Variants in KIAA1217 observed in about 807,000 individuals in gnomAD.
The protein encoded by KIAA1217 is KIAA1217, also known as sickle tail protein homolog.
A neutral mutation model predicts 163.9 loss-of-function variants in KIAA1217; 88 were observed. That is an observed-to-expected ratio of 0.54 (90% confidence interval 0.45 to 0.64). KIAA1217 has a LOEUF of 0.64. Among genes scored for constraint, KIAA1217 ranks in the 30% least tolerant of loss-of-function variants. The probability of loss-of-function intolerance (pLI) is 0.00; values close to 1 mark genes in which losing one functional copy is unlikely to be tolerated. For synonymous variants in KIAA1217, 903 were observed against 923.1 expected, an observed-to-expected ratio of 0.98 and a Z score of 0.39; for missense variants, 2,372 against 2,475.0, an observed-to-expected ratio of 0.96 and a Z score of 0.88.
At chr10:24,374,656 A>G (rs10828639) in intron 2 of KIAA1217, among the ~76,000 whole-genome samples, 26,238 of 152,180 alleles carry the variant, frequency 0.17, 2,723 homozygotes, top group East Asian at 0.37. Context: ...GAGTGATCAT[A>G]GTTGCAAGAA....
intron 1 of KIAA1217, among the ~76,000 whole-genome samples, chr10:23,847,526 A>G (rs1333834577): frequency 1.3e-5 from 2 of 152,134 alleles, no homozygotes; most frequent in Non-Finnish European, 2.9e-5. Context: ...AGGTGTTTAT[A>G]GTATTCTCTG....
chr10:24,545,347 A>C, intron 20 of KIAA1217: 2 of 1,386,010 alleles, frequency 1.4e-6, no homozygotes, highest in South Asian at 1.7e-5. Context: ...CTGTTAACAC[A>C]CGGTGCCAGA....
rs1395717617 is a variant in KIAA1217 at position 24,125,471 on chromosome 10, TG to T, written c.-170-94153del. On this transcript the variant is annotated intron_variant, in intron 2 of 18. Transcript: ENST00000376462. ...ACATTTATAATGAATTGACCATTTT[TG>T]GCTAGATCTTCAAATGTATTGATAC... 7.2e-5 allele frequency among the ~76,000 whole-genome samples: 11 copies of T among 152,278 alleles called. No individual in the cohort carries two copies. In the East Asian group the frequency reaches 2.1e-3, roughly 29 times the overall value.
At chr10:24,207,587 C>T (rs545593689), upstream of KIAA1217, among the ~76,000 whole-genome samples, 1 of 152,300 alleles carries the variant, frequency 6.6e-6, no homozygotes, top group South Asian at 2.1e-4. Context: ...GTCATAGAGA[C>T]CTTAAGTTAT....
At chr10:24,294,959 A>G (rs951463002) in intron 2 of KIAA1217, among the ~76,000 whole-genome samples, 2 of 152,216 alleles carry the variant, frequency 1.3e-5, no homozygotes, top group Admixed American at 6.5e-5. Flanking sequence ...TCTGTAAACT[A>G]CTATTCTGGA....
chr10:24,337,554 G>A lies in KIAA1217; in HGVS notation c.355-43315G>A, dbSNP rs181381107. On this transcript the variant is annotated intron_variant, in intron 2 of 20. Coordinates refer to ENST00000376454, the MANE Select transcript of KIAA1217 (RefSeq NM_019590.5). ...ATTTTCTTAATCTGCAGACTTAAAT[G>A]TTTTTTTGTTTGCTTTGTTTTTGTT... Among the ~76,000 whole-genome samples the A allele has an allele frequency of 1.8e-3, 264 of 150,158 alleles. 1 individual carries two copies. Among genetic ancestry groups the A allele is most frequent in the Non-Finnish European group, 4.2e-4 (28 of 67,290 alleles).
intron 1 of KIAA1217, among the ~76,000 whole-genome samples, chr10:23,908,669 C>T (rs7083286): frequency 0.11 from 16,733 of 152,110 alleles, 3,021 homozygotes; most frequent in African/African-American, 0.38. Flanking sequence ...TCAGTGTCAA[C>T]ATTTTCAATA....
At chr10:23,866,104 C>T (rs1178287303) in intron 1 of KIAA1217, among the ~76,000 whole-genome samples, 1 of 152,038 alleles carries the variant, frequency 6.6e-6, no homozygotes, top group Non-Finnish European at 1.5e-5. Flanking sequence ...TCACACACTT[C>T]CAAAAATAAA....
At chr10:23,814,562 C>A (rs1427071356) in intron 1 of KIAA1217, among the ~76,000 whole-genome samples, 2 of 152,140 alleles carry the variant, frequency 1.3e-5, no homozygotes, top group African/African-American at 4.8e-5. Context: ...ATTAAATGAA[C>A]AAGTTATGGG....
intron 1 of KIAA1217, among the ~76,000 whole-genome samples, chr10:23,713,161 A>G (rs1219746969): frequency 6.6e-6 from 1 of 152,172 alleles, no homozygotes; most frequent in Non-Finnish European, 1.5e-5. Context: ...GCCACTGAAT[A>G]GAACTGTTTG....
chr10:23,930,323 A>G (rs1246743342), intron 1 of KIAA1217, among the ~76,000 whole-genome samples: 1 of 152,168 alleles, frequency 6.6e-6, no homozygotes, highest in African/African-American at 2.4e-5. Context: ...ATATATACAG[A>G]AAAATGTCAA....
At chr10:24,102,041 G>A (rs1015069561) in intron 2 of KIAA1217, among the ~76,000 whole-genome samples, 10 of 152,134 alleles carry the variant, frequency 6.6e-5, no homozygotes, top group East Asian at 1.9e-4. Context: ...TTTATGGTAC[G>A]TGAATTATAT....
intron 2 of KIAA1217, among the ~76,000 whole-genome samples, chr10:24,308,095 G>A (rs561439847): frequency 2.0e-4 from 30 of 152,260 alleles, no homozygotes; most frequent in African/African-American, 6.0e-4. Context: ...TTGTTCTTAC[G>A]TGTAACAATT....
At position 24,219,716 on chromosome 10, in the gene KIAA1217, G is replaced by T. The variant is rs747962316; in HGVS notation, c.161G>T (p.Gly54Val). 1.2e-6 allele frequency: 2 copies of T among 1,613,994 alleles called. No homozygotes were observed. The highest frequency in any genetic ancestry group is 2.2e-5 in the South Asian group (2 of 91,062). ...CGCCTTTCTAATGGAAACAGTCGTG[G>T]TTCAGTTTCCAAGTCTTCCCGCAAT... is the stretch of plus-strand genomic sequence containing the variant. ...KERLSNGNSR[G>V]SVSKSSRNIP... The change falls in exon 2 of 21, where the codon GGT (glycine) becomes GTT (valine). Residue 54 changes from glycine (G) to valine (V), a missense_variant. This residue lies in a region of KIAA1217 where 1,431 missense variants were observed against 1,470.3 expected (regional missense o/e 0.97). Transcript: ENST00000376454.
chr10:24,076,739 C>CT (rs2061379331), intron 2 of KIAA1217, among the ~76,000 whole-genome samples: 1 of 152,132 alleles, frequency 6.6e-6, no homozygotes, highest in South Asian at 2.1e-4. Context: ...AGGCTGTTCT[C>CT]TTTTTTATGC....
intron 1 of KIAA1217, among the ~76,000 whole-genome samples, chr10:23,925,172 G>A (rs1308515445): frequency 1.3e-5 from 2 of 152,036 alleles, no homozygotes; most frequent in Admixed American, 6.6e-5. Flanking sequence ...AGAAGGAGAA[G>A]GAGGAGGAAA....
intron 1 of KIAA1217, among the ~76,000 whole-genome samples, chr10:23,791,866 A>G (rs1447510983): frequency 6.6e-6 from 1 of 151,858 alleles, no homozygotes; most frequent in Admixed American, 6.6e-5. Flanking sequence ...ACCAAATAAG[A>G]AGTGATTTTT....
chr10:24,074,819 C>A lies in KIAA1217; in HGVS notation c.-171+67445C>A, dbSNP rs141753899. ...GGGATCAAGTGATCCCCCACCTCAG[C>A]CCCCTAAGTAGCTGACACTACAGGT... On this transcript the variant is annotated intron_variant, in intron 2 of 18. Coordinates refer to the KIAA1217 transcript ENST00000376462. Among the ~76,000 whole-genome samples the A allele has an allele frequency of 3.2e-4, 49 of 151,790 alleles. No individual in the cohort carries two copies. In the East Asian group the frequency reaches 8.0e-3, roughly 25 times the overall value.
chr10:24,071,519 A>T (rs2061186377), intron 2 of KIAA1217, among the ~76,000 whole-genome samples: 1 of 152,230 alleles, frequency 6.6e-6, no homozygotes, highest in African/African-American at 2.4e-5. Flanking sequence ...CTCTTTCTTT[A>T]CAACTTAATA....
Sources: allele counts gnomAD v4.1 joint callset (sites outside exome capture counted in the v4.1 genomes callset), GRCh38; gene constraint gnomAD v4.1.1; regional missense constraint gnomAD v4.1.1; transcripts MANE v1.5; gene names NCBI Gene and HGNC (gene_info 2026-07-23, HGNC 2026-07-21).